Variants in GPATCH2L observed in about 807,000 individuals in gnomAD.
The protein encoded by GPATCH2L is G patch domain-containing protein 2-like.
A neutral mutation model predicts 57.4 loss-of-function variants in GPATCH2L; 31 were observed. That is an observed-to-expected ratio of 0.54 (90% CI 0.41 to 0.73). The LOEUF (loss-of-function observed/expected upper bound fraction) is 0.73. GPATCH2L is among the 30% of genes least tolerant of loss of function. The probability of loss-of-function intolerance (pLI) is 0.00; values close to 1 mark genes in which losing one functional copy is unlikely to be tolerated. For synonymous variants in GPATCH2L, 199 were observed against 210.7 expected (o/e 0.94, Z 0.48); for missense variants, 481 against 599.9 (o/e 0.80, Z 2.07).
At chr14:76,193,711 G>A (rs1298600929) in intron 8 of GPATCH2L, among the ~76,000 whole-genome samples, 1 of 152,176 alleles carries the variant, frequency 6.6e-6, no homozygotes, top group African/African-American at 2.4e-5. Flanking sequence ...CACTGCTGTA[G>A]AGTGCCACCA....
chr14:76,214,715 G>A (rs115792839), downstream of GPATCH2L, among the ~76,000 whole-genome samples: 4,368 of 152,258 alleles, frequency 0.029, 225 homozygotes, highest in African/African-American at 0.1. Flanking sequence ...CACTTTGGGG[G>A]TTAGGATTTC....
intron 8 of GPATCH2L, among the ~76,000 whole-genome samples, chr14:76,192,959 C>G (rs2040026960): frequency 6.6e-6 from 1 of 151,932 alleles, no homozygotes; most frequent in Admixed American, 6.6e-5. Context: ...AAGTAATATG[C>G]TGGAGGCATA....
downstream of GPATCH2L, among the ~76,000 whole-genome samples, chr14:76,218,888 T>A (rs2040501107): frequency 6.6e-6 from 1 of 151,450 alleles, no homozygotes; most frequent in South Asian, 2.1e-4. Context: ...TGGGAACTCC[T>A]AGGTAGGGCT....
At position 76,229,070 on chromosome 14, in the gene GPATCH2L, A is replaced by C. The variant is rs117812602; in HGVS notation, c.66-738A>C. 1.2e-3 allele frequency among the ~76,000 whole-genome samples: 179 copies of C among 152,308 alleles called. 2 individuals carry two copies. The East Asian group carries it at 0.028, about 24-fold the overall frequency. Reference sequence around the variant, plus strand: ...AGGCACTGACTCAGACATGCTTTCCATCCACAGGGCTGCAGCCCACAGCCA... The same window carrying C: ...AGGCACTGACTCAGACATGCTTTCCCTCCACAGGGCTGCAGCCCACAGCCA... On this transcript the variant is annotated intron_variant and NMD_transcript_variant, in intron 1 of 3. Coordinates refer to the GPATCH2L transcript ENST00000556372.
intron 1 of GPATCH2L, among the ~76,000 whole-genome samples, chr14:76,227,391 G>GGT (rs1480295801): frequency 1.3e-5 from 2 of 152,198 alleles, no homozygotes; most frequent in Admixed American, 6.5e-5. Context: ...CCAGGCTGCA[G>GGT]GGAAATGAGA....
At chr14:76,189,979 G>A (rs2039905642) in intron 8 of GPATCH2L, among the ~76,000 whole-genome samples, 2 of 152,064 alleles carry the variant, frequency 1.3e-5, no homozygotes, top group African/African-American at 2.4e-5. Flanking sequence ...CCTTAAACTA[G>A]CTTGCCATTC....
At chr14:76,196,264 T>G (rs2040147376) in intron 9 of GPATCH2L, 1 of 609,932 alleles carries the variant, frequency 1.6e-6, no homozygotes, top group Non-Finnish European at 2.9e-6. Flanking sequence ...AGGTCCATGT[T>G]AATGAAAGTC....
intron 9 of GPATCH2L, among the ~76,000 whole-genome samples, chr14:76,197,156 C>T (rs961235608): frequency 3.3e-5 from 5 of 152,048 alleles, no homozygotes; most frequent in Non-Finnish European, 4.4e-5. Flanking sequence ...AAGATCAGAC[C>T]GGTTTCCTTG....
At chr14:76,167,068 C>T (rs1455815345) in intron 3 of GPATCH2L, among the ~76,000 whole-genome samples, 1 of 152,026 alleles carries the variant, frequency 6.6e-6, no homozygotes, top group African/African-American at 2.4e-5. Context: ...GAAATAGGTT[C>T]ATGTGTTACT....
At chr14:76,197,644 A>G (rs974046941) in intron 9 of GPATCH2L, among the ~76,000 whole-genome samples, 2 of 152,150 alleles carry the variant, frequency 1.3e-5, no homozygotes, top group African/African-American at 2.4e-5. Flanking sequence ...ACATCGGGCC[A>G]TCTCGGATTC....
At position 76,154,681 on chromosome 14, in the gene GPATCH2L, T is replaced by G; in HGVS notation, c.318T>G (p.Ser106Arg). 1 of 1,614,080 alleles carries G rather than the reference T, an allele frequency of 6.2e-7. No individual in the cohort carries two copies. Residue 106 changes from serine (S) to arginine (R), a missense_variant, in exon 2 of 10, where the codon AGT becomes AGG. Physicochemically the swap from Ser to Arg is moderately radical, Grantham distance 110. Transcript: ENST00000261530. The surrounding 1 kb of genome is among the most constrained non-coding windows in gnomAD (Gnocchi z 4.4). ...RHPALNAIVK[S>R]KQHSWHESDS... The stretch of plus-strand genomic sequence containing the variant: ...CAGCTCTCAATGCCATTGTCAAGAG[T>G]AAGCAACATTCTTGGCATGAATCTG...
chr14:76,153,567 C>T (rs2038154107), intron 1 of GPATCH2L: 1 of 152,354 alleles, frequency 6.6e-6, no homozygotes, highest in South Asian at 2.1e-4. Context: ...CACTGAAGCA[C>T]ATAACTAGGA....
At chr14:76,227,929 C>T (rs954190385) in intron 1 of GPATCH2L, among the ~76,000 whole-genome samples, 1 of 152,204 alleles carries the variant, frequency 6.6e-6, no homozygotes, top group African/African-American at 2.4e-5. Context: ...TCCCTGATTC[C>T]TGTCCTCAGG....
intron 1 of GPATCH2L, among the ~76,000 whole-genome samples, chr14:76,222,734 A>C (rs1278992564): frequency 6.6e-6 from 1 of 152,100 alleles, no homozygotes; most frequent in East Asian, 1.9e-4. Context: ...AGGCAGGTGG[A>C]TCACTTAAGG....
Position 76,207,139 on chromosome 14 carries a change from A to G in GPATCH2L, c.*5288A>G, listed in dbSNP as rs1218649014. 1 of 152,144 alleles carries G rather than the reference A, an allele frequency of 6.6e-6. No homozygotes were observed. The highest frequency in any genetic ancestry group is 2.4e-5 in the African/African-American group (1 of 41,420). 9.4% of individuals were successfully genotyped at this position (152,144 alleles called of 1,614,324 possible). On this transcript the variant is annotated 3_prime_UTR_variant, in exon 10 of 10. Coordinates refer to ENST00000261530, the MANE Select transcript of GPATCH2L (RefSeq NM_017926.4). ...AGACCAGCCTATGCAACACAGTGAG[A>G]CCTTGTCTCTACAAAAAATTTTAAA...
chr14:76,216,865 G>A (rs1212375030), downstream of GPATCH2L, among the ~76,000 whole-genome samples: 1 of 152,072 alleles, frequency 6.6e-6, no homozygotes, highest in African/African-American at 2.4e-5. Context: ...TCTGAAACAG[G>A]CCCAATTGCA....
intron 2 of GPATCH2L, among the ~76,000 whole-genome samples, chr14:76,231,614 T>G (rs1290145003): frequency 2.1e-5 from 1 of 48,710 alleles, no homozygotes; most frequent in Admixed American, 2.5e-4. Flanking sequence ...AATTAGAAAC[T>G]AAACACATAC....
intron 3 of GPATCH2L, among the ~76,000 whole-genome samples, chr14:76,169,988 A>G (rs2039012216): frequency 6.6e-6 from 1 of 152,204 alleles, no homozygotes; most frequent in Non-Finnish European, 1.5e-5. Context: ...CTCTGGAGTA[A>G]GGGCTCAGCA....
chr14:76,189,473 G>C (rs531178856), intron 8 of GPATCH2L, among the ~76,000 whole-genome samples: 1 of 151,808 alleles, frequency 6.6e-6, no homozygotes, highest in Admixed American at 6.6e-5. Context: ...ACTATAAATG[G>C]GGTTAATTTT....
Sources: allele counts gnomAD v4.1 joint callset (sites outside exome capture counted in the v4.1 genomes callset), GRCh38; gene constraint gnomAD v4.1.1; non-coding constraint Gnocchi (gnomAD v3.1); transcripts MANE v1.5; gene names NCBI Gene and HGNC (gene_info 2026-07-23, HGNC 2026-07-21).